KPNA7: variants seen among roughly 807,000 people sequenced by gnomAD.
KPNA7 encodes importin subunit alpha-8.
A neutral mutation model predicts 53.7 loss-of-function variants in KPNA7; 54 were observed. That is an observed-to-expected ratio of 1.01 (90% confidence interval 0.81 to 1.26). The LOEUF (loss-of-function observed/expected upper bound fraction) is 1.26, where lower values mean the gene tolerates loss of function less well. Ranked by LOEUF, KPNA7 falls within the 50% of genes most tolerant of loss-of-function variation. The pLI, the probability that KPNA7 is intolerant of heterozygous loss-of-function variation, is 0.00. For missense variants in KPNA7, 640 were observed against 644.5 expected, an observed-to-expected ratio of 0.99 and a Z score of 0.07; for synonymous variants, 276 against 259.3, an observed-to-expected ratio of 1.06 and a Z score of -0.62.
At chr7:99,166,037 G>A in the KPNA7 span, among the ~76,000 whole-genome samples, 24 of 152,024 alleles carry the variant, frequency 1.6e-4, no homozygotes, top group African/African-American at 4.6e-4. Flanking sequence ...CTTCTGCTCT[G>A]GCCATGTAAG....
chr7:99,163,359 G>GTGTATATATATATATATATATATA, the KPNA7 span, among the ~76,000 whole-genome samples: 23 of 66,420 alleles, frequency 3.5e-4, no homozygotes, highest in East Asian at 7.0e-4. Flanking sequence ...ATGAGTGTGT[G>GTGTATATATATATATATATATATA]TATATATATA....
rs560920715 is a variant in KPNA7 at position 99,178,080 on chromosome 7, C to T, written c.1318-14G>A. 11 of 1,550,480 alleles carry T rather than the reference C, an allele frequency of 7.1e-6. No homozygotes were observed. The highest frequency in any genetic ancestry group is 4.1e-5 in the African/African-American group (3 of 73,132). On this transcript the variant is annotated splice_polypyrimidine_tract_variant and intron_variant, in intron 9 of 10. Transcript: ENST00000327442. ...TTTCTCTGCCGCCTGTGACCAAGTA[C>T]AAGGGGACATGAGACCCCCGGCAGG...
chr7:99,206,635 A>AT (rs1053695100), intron 2 of KPNA7, among the ~76,000 whole-genome samples: 53 of 151,718 alleles, frequency 3.5e-4, no homozygotes, highest in African/African-American at 1.2e-3. Flanking sequence ...CACCTGGCCG[A>AT]TTTTTTGTTT....
At position 99,178,037 on chromosome 7, in the gene KPNA7, GTT is replaced by G; in HGVS notation, c.1345_1346del (p.Asn449ProfsTer13). On this transcript the variant is annotated frameshift_variant, in exon 10 of 11. Coordinates refer to ENST00000327442, the MANE Select transcript of KPNA7 (RefSeq NM_001145715.3). LOFTEE classifies it high-confidence loss of function. ...CAAGTTCTTCTATCAGAAGACACAG[GTT>G]TTCCTTCTCAGACCGTTTCTCTGCC... Reference protein sequence around the residue: ...QAAEKRSEKENLCLLIEELGG... With the variant: ...QAAEKRSEKEXLCLLIEELGG... The G allele has an allele frequency of 2.6e-6, 4 of 1,551,616 alleles. No homozygotes were observed. In the South Asian group the frequency reaches 4.8e-5, roughly 18 times the overall value.
upstream of KPNA7, among the ~76,000 whole-genome samples, chr7:99,211,971 C>T (rs993538329): frequency 1.3e-5 from 2 of 152,140 alleles, no homozygotes; most frequent in African/African-American, 2.4e-5. Context: ...TCATGTTGAC[C>T]TCCTCCCCAA....
At chr7:99,169,988 G>C (rs1334337912), downstream of KPNA7, among the ~76,000 whole-genome samples, 1 of 152,106 alleles carries the variant, frequency 6.6e-6, no homozygotes, top group Non-Finnish European at 1.5e-5. Flanking sequence ...GTTGCAGTGA[G>C]CAGAGATTGT....
In KPNA7 at chr7:99,195,064, T is replaced by C. The variant is rs1311744205; in HGVS notation, c.553+6A>G. The C allele has an allele frequency of 6.5e-7, 1 of 1,547,958 alleles. No homozygotes were observed. The highest frequency in any genetic ancestry group is 1.4e-5 in the African/African-American group (1 of 72,312). The stretch of plus-strand genomic sequence containing the variant: ...TTTTCTTAGCCCACTAAGGGGAGAG[T>C]CTCACCGGCTATATTACCAAGAGCC... On this transcript the variant is annotated splice_donor_region_variant and intron_variant, in intron 5 of 10. Transcript: ENST00000327442.
intron 9 of KPNA7, among the ~76,000 whole-genome samples, chr7:99,178,367 G>A (rs1229421834): frequency 1.3e-5 from 2 of 152,072 alleles, no homozygotes; most frequent in Admixed American, 6.6e-5. Context: ...TCAGGAGTCT[G>A]AGACCAGCCT....
chr7:99,207,613 CTTTTTTTTTTTTTTTTTTTT>C (rs754881370), intron 1 of KPNA7, 124 bp from the exon 2 acceptor site: 76 of 123,032 alleles, frequency 6.2e-4, no homozygotes, highest in Middle Eastern at 2.0e-3. Flanking sequence ...AGGAAGCTAG[CTTTTTTTTTTTTTTTTTTTT>C]TTTTTTTTTT....
At chr7:99,147,476 CCAT>C in the KPNA7 span, among the ~76,000 whole-genome samples, 24 of 152,348 alleles carry the variant, frequency 1.6e-4, no homozygotes, top group Middle Eastern at 0.024. Context: ...TATACTCTAT[CCAT>C]ACAACTTACT....
chr7:99,212,440 A>T (rs1791101109), upstream of KPNA7, among the ~76,000 whole-genome samples: 1 of 151,270 alleles, frequency 6.6e-6, no homozygotes, highest in Admixed American at 6.6e-5. Context: ...TTTTTGGTAG[A>T]GATGGGGTTT....
chr7:99,195,275 G>A lies in KPNA7; in HGVS notation c.348C>T (p.Pro116=), dbSNP rs1049908638. ...ATGACTTCAGGAACTCCACCATCCT[G>A]GGAATGAGGCCCGCTTCAATGACCA... ...LKLVIEAGLI[P]RMVEFLKSSL... The change falls in exon 5 of 11, where the codon CCC becomes CCT. Residue 116 remains proline, a synonymous_variant. Transcript: ENST00000327442. The A allele has an allele frequency of 1.3e-6, 2 of 1,551,642 alleles. No homozygotes were observed. Among genetic ancestry groups the A allele is most frequent in the Non-Finnish European group, 1.7e-6 (2 of 1,146,988 alleles).
chr7:99,219,036 G>A (rs1344304426), intron 1 of KPNA7, among the ~76,000 whole-genome samples: 2 of 152,240 alleles, frequency 1.3e-5, no homozygotes, highest in Non-Finnish European at 2.9e-5. Context: ...GCAGCCCTTG[G>A]CCCCACCTCA....
At chr7:99,167,942 C>T in the KPNA7 span, among the ~76,000 whole-genome samples, 2 of 151,828 alleles carry the variant, frequency 1.3e-5, no homozygotes, top group Non-Finnish European at 2.9e-5. Context: ...TAATAAAGTA[C>T]ACAATAAGTG....
intron 10 of KPNA7, among the ~76,000 whole-genome samples, 198 bp downstream of exon 10, chr7:99,177,722 C>A (rs1032912675): frequency 1.3e-5 from 2 of 151,922 alleles, no homozygotes; most frequent in African/African-American, 4.8e-5. Flanking sequence ...TTCCAGGCAC[C>A]AAGATGTCAC....
upstream of KPNA7, among the ~76,000 whole-genome samples, chr7:99,211,409 G>A (rs146596109): frequency 6.6e-6 from 1 of 152,270 alleles, no homozygotes; most frequent in African/African-American, 2.4e-5. Flanking sequence ...GCAACAGAGT[G>A]AGACTCTGTC....
At chr7:99,202,433 G>A (rs192831536) in intron 3 of KPNA7, among the ~76,000 whole-genome samples, 110 of 152,302 alleles carry the variant, frequency 7.2e-4, no homozygotes, top group African/African-American at 2.6e-3. Context: ...AAGTCAAAGT[G>A]TTAGGAAAGA....
the KPNA7 span, among the ~76,000 whole-genome samples, chr7:99,147,446 T>G: frequency 1.3e-5 from 2 of 152,224 alleles, no homozygotes; most frequent in Non-Finnish European, 2.9e-5. Context: ...TCAATAAAAA[T>G]GTACTTATGG....
At chr7:99,154,373 C>T in the KPNA7 span, among the ~76,000 whole-genome samples, 1 of 152,250 alleles carries the variant, frequency 6.6e-6, no homozygotes, top group South Asian at 2.1e-4. Flanking sequence ...AAGCAATCCG[C>T]CCACCTTGGC....
Sources: allele counts gnomAD v4.1 joint callset (sites outside exome capture counted in the v4.1 genomes callset), GRCh38; gene constraint gnomAD v4.1.1; transcripts MANE v1.5; gene names NCBI Gene and HGNC (gene_info 2026-07-23, HGNC 2026-07-21).